MME: variants seen among roughly 807,000 people sequenced by gnomAD.
The protein encoded by MME is neprilysin.
In MME, 98 loss-of-function variants were observed where a neutral mutation model predicts 113.2. That is an observed-to-expected ratio of 0.87 (90% CI 0.74 to 1.02). The LOEUF is 1.02. MME is among the 50% of genes least tolerant of loss of function. The pLI is 0.00. For synonymous variants in MME, 292 were observed against 300.6 expected (o/e 0.97, Z 0.30); for missense variants, 836 against 896.0 (o/e 0.93, Z 0.86).
intron 1 of MME, among the ~76,000 whole-genome samples, chr3:155,031,525 A>C (rs1219724032): frequency 6.6e-6 from 1 of 152,196 alleles, no homozygotes; most frequent in African/African-American, 2.4e-5. Flanking sequence ...ATTTAGAAAT[A>C]GTTTTAGGCA....
In MME at chr3:155,181,116, G is replaced by A. The variant is rs199937248; in HGVS notation, c.*657G>A. On this transcript the variant is annotated 3_prime_UTR_variant, in exon 23 of 23. Coordinates refer to ENST00000360490, the MANE Select transcript of MME (RefSeq NM_007289.4). ...CTTTGACTGATGCTGAGATTCTTCA[G>A]GCTTCCTGCAATTTTCTAAGCAATT... 6.6e-6 allele frequency: 1 copy of A among 152,208 alleles called. No individual in the cohort carries two copies. 9.4% of individuals were successfully genotyped at this position (152,208 alleles called of 1,614,324 possible).
chr3:155,094,865 A>G (rs993473855), intron 3 of MME, among the ~76,000 whole-genome samples: 2 of 152,224 alleles, frequency 1.3e-5, no homozygotes, highest in African/African-American at 2.4e-5. Flanking sequence ...AGTAAGTCAG[A>G]GGTCTGCATC....
chr3:155,085,209 A>G (rs1213618339), intron 3 of MME, 115 bp downstream of exon 3: 5 of 669,342 alleles, frequency 7.5e-6, no homozygotes, highest in East Asian at 2.8e-5. Flanking sequence ...TCAATTATTT[A>G]TGTGTCTGGC....
intron 18 of MME, among the ~76,000 whole-genome samples, chr3:155,167,890 T>C (rs1711515549): frequency 6.6e-6 from 1 of 152,188 alleles, no homozygotes; most frequent in African/African-American, 2.4e-5. Flanking sequence ...GTAGGTTGGC[T>C]ACATAGCCCT....
chr3:155,033,518 G>T (rs1713040214), intron 1 of MME, among the ~76,000 whole-genome samples: 1 of 152,070 alleles, frequency 6.6e-6, no homozygotes, highest in South Asian at 2.1e-4. Flanking sequence ...AATGCCTATT[G>T]TTATAAATAC....
intron 9 of MME, among the ~76,000 whole-genome samples, chr3:155,139,523 T>C (rs1294394721): frequency 6.6e-6 from 1 of 152,248 alleles, no homozygotes; most frequent in Non-Finnish European, 1.5e-5. Flanking sequence ...CTCTTCTCAC[T>C]TAAAATTGCT....
At position 155,140,312 on chromosome 3, in the gene MME, T is replaced by A. The variant is rs1365792405; in HGVS notation, c.957+20T>A. 2.0e-6 allele frequency: 3 copies of A among 1,481,282 alleles called. No individual in the cohort carries two copies. In the African/African-American group the frequency reaches 4.2e-5, roughly 21 times the overall value. The allele number at this position is 1,481,282 out of a possible 1,614,324, so 91.8% of individuals were successfully genotyped here. A position where few individuals can be genotyped will look rare whatever the true frequency, so the allele number is the denominator to read the frequency against. On this transcript the variant is annotated intron_variant, in intron 10 of 22. Coordinates refer to ENST00000360490, the MANE Select transcript of MME (RefSeq NM_007289.4). ...GGGAAGGTAAGTGGTAAGTTTTTTG[T>A]GCTCTCTTATTGTGCCGTTTTCTAA...
chr3:155,061,668 T>G (rs980323562), intron 1 of MME, among the ~76,000 whole-genome samples: 6 of 150,274 alleles, frequency 4.0e-5, no homozygotes, highest in South Asian at 2.1e-4. Flanking sequence ...TAGGTTTTTT[T>G]TTTTTTTTTT....
chr3:155,092,264 T>TCTCTTAACCTGGTCAAGCTGATAC (rs1716360625), intron 3 of MME, among the ~76,000 whole-genome samples: 1 of 152,200 alleles, frequency 6.6e-6, no homozygotes, highest in African/African-American at 2.4e-5. Flanking sequence ...TATCTGGATA[T>TCTCTTAACCTGGTCAAGCTGATAC]CTCTTAACCT....
rs1423926327 is a variant in MME at position 155,181,941 on chromosome 3, C to T, written c.*1482C>T. On this transcript the variant is annotated 3_prime_UTR_variant, in exon 23 of 23. Transcript: ENST00000360490. The stretch of plus-strand genomic sequence containing the variant: ...TTTAAAAAAAAAAGTTACAGAAATA[C>T]TATAACATATGTACATAAATTGCAT... The T allele has an allele frequency of 6.6e-6, 1 of 152,054 alleles. No individual in the cohort carries two copies. Among genetic ancestry groups the T allele is most frequent in the East Asian group, 1.9e-4 (1 of 5,198 alleles). 9.4% of individuals were successfully genotyped at this position (152,054 alleles called of 1,614,324 possible). A position where few individuals can be genotyped will look rare whatever the true frequency, so the allele number is the denominator to read the frequency against.
intron 3 of MME, among the ~76,000 whole-genome samples, chr3:155,095,215 A>G (rs1319253346): frequency 2.0e-5 from 3 of 152,220 alleles, no homozygotes; most frequent in Admixed American, 2.0e-4. Context: ...ATTTAAGTAA[A>G]TGAATAGATG....
In MME at chr3:155,148,482, A is replaced by G. The variant is rs1721686980; in HGVS notation, c.1498-68A>G. On this transcript the variant is annotated intron_variant, in intron 15 of 22. Coordinates refer to ENST00000360490, the MANE Select transcript of MME (RefSeq NM_007289.4). ...ACTGATATAATTTAAGAAAATCCCT[A>G]TGTTTTTAGCAAAAATTTAGAAGAT... The G allele has an allele frequency of 1.4e-5, 15 of 1,061,100 alleles. No homozygotes were observed. The South Asian group carries it at 1.7e-4, about 12-fold the overall frequency. The allele number at this position is 1,061,100 out of a possible 1,614,324, so 65.7% of individuals were successfully genotyped here.
At chr3:155,085,321 G>A (rs1462237186) in intron 3 of MME, 3 of 365,244 alleles carry the variant, frequency 8.2e-6, no homozygotes, top group Non-Finnish European at 1.5e-5. Flanking sequence ...TGTATAGCAG[G>A]GCAATAGAAA....
At chr3:155,106,280 C>T (rs972996673) in intron 3 of MME, among the ~76,000 whole-genome samples, 2 of 152,116 alleles carry the variant, frequency 1.3e-5, no homozygotes, top group Admixed American at 6.5e-5. Flanking sequence ...GGAACGTAAC[C>T]AGTGGTTGAC....
chr3:155,176,364 ATAAT>A (rs1712516404), intron 22 of MME, among the ~76,000 whole-genome samples: 1 of 152,238 alleles, frequency 6.6e-6, no homozygotes, highest in African/African-American at 2.4e-5. Flanking sequence ...ACCTTAAGAA[ATAAT>A]TAATAAAAGC....
intron 19 of MME, 27 bp downstream of exon 19, chr3:155,168,652 G>T (rs200749968): frequency 6.9e-5 from 112 of 1,613,532 alleles, no homozygotes; most frequent in Non-Finnish European, 9.3e-5. Context: ...CTCTTGAAAA[G>T]TTTTAGACAT....
chr3:155,093,583 C>T (rs1352778377), intron 3 of MME, among the ~76,000 whole-genome samples: 3 of 152,092 alleles, frequency 2.0e-5, no homozygotes, highest in Non-Finnish European at 4.4e-5. Flanking sequence ...CCAGGACGGG[C>T]GTTTTGGCTC....
chr3:155,057,912 C>G (rs182878189), intron 1 of MME, among the ~76,000 whole-genome samples: 3 of 152,008 alleles, frequency 2.0e-5, no homozygotes, highest in Non-Finnish European at 1.5e-5. Flanking sequence ...TGCTGCCATA[C>G]TAAATTATTC....
chr3:155,098,385 C>T (rs1219595243), intron 3 of MME, among the ~76,000 whole-genome samples: 1 of 152,050 alleles, frequency 6.6e-6, no homozygotes, highest in Non-Finnish European at 1.5e-5. Flanking sequence ...GAAACCCCAT[C>T]TCTACTAAAA....
Sources: gnomAD v4.1 joint callset for allele counts (sites outside exome capture counted in the v4.1 genomes callset) on GRCh38, gnomAD v4.1.1 for gene constraint, MANE v1.5 for transcripts, NCBI Gene and HGNC (gene_info 2026-07-23, HGNC 2026-07-21) for gene names.